TMEM61: variants seen among roughly 807,000 people sequenced by gnomAD.
TMEM61 encodes the protein transmembrane protein 61.
TMEM61 carries 13 observed loss-of-function variants against 12.0 expected under a neutral mutation model. The observed-to-expected ratio is 1.08, with a 90% CI of 0.70 to 1.72. The LOEUF is 1.72. TMEM61 is among the 40% of genes most tolerant of loss of function. TMEM61 has a pLI of 0.00. For missense variants in TMEM61, 249 were observed against 276.9 expected, an observed-to-expected ratio of 0.90 and a Z score of 0.71; for synonymous variants, 109 against 121.4, an observed-to-expected ratio of 0.90 and a Z score of 0.67.
chr1:54,986,172 G>A lies in TMEM61; in HGVS notation c.91G>A (p.Gly31Arg), dbSNP rs747602597. The change falls in exon 2 of 3, where the codon GGG becomes AGG. Residue 31 changes from glycine (G) to arginine (R), a missense_variant. Gly to Arg is a moderately radical substitution (Grantham distance 125). Coordinates refer to ENST00000371268, the MANE Select transcript of TMEM61 (RefSeq NM_182532.3). ...CAGCGGCACAGTGGTTCTGGTGGCCGGGACGCTCTGCTTCGCTTGGTGGAG... is the reference window on the plus strand; with the variant it reads ...CAGCGGCACAGTGGTTCTGGTGGCCAGGACGCTCTGCTTCGCTTGGTGGAG... ...TVSGTVVLVA[G>R]TLCFAWWSEG... is the part of the protein sequence containing the mutation. 8 of 1,613,148 alleles carry A rather than the reference G, an allele frequency of 5.0e-6. No individual in the cohort carries two copies. In the East Asian group the frequency reaches 6.7e-5, roughly 13 times the overall value.
chr1:54,982,206 G>T (rs1474481493), intron 1 of TMEM61, among the ~76,000 whole-genome samples: 1 of 152,168 alleles, frequency 6.6e-6, no homozygotes, highest in Non-Finnish European at 1.5e-5. Flanking sequence ...ATCAATGGAT[G>T]CATCTGATTC....
rs373453802 is a variant in TMEM61, at chr1:54,986,427, T to G, written c.346T>G (p.Ser116Ala). The change falls in exon 2 of 3, where the codon TCA (serine) becomes GCA (alanine). Residue 116 changes from serine (S) to alanine (A), a missense_variant. Coordinates refer to ENST00000371268, the MANE Select transcript of TMEM61 (RefSeq NM_182532.3). ...RDLYYLTVES[S>A]EKESCRTPKV... ...CCTGTACTACCTCACTGTGGAGTCC[T>G]CAGAGAAGGAGAGCTGCAGGTCAGC... The G allele has an allele frequency of 5.7e-6, 9 of 1,569,400 alleles. No individual in the cohort carries two copies. The African/African-American group carries it at 1.1e-4, about 19-fold the overall frequency.
rs1379046299 is a variant in TMEM61, at chr1:54,980,675, C to A, written c.-391C>A. The A allele has an allele frequency of 2.7e-5, 5 of 188,128 alleles. No individual in the cohort carries two copies. Among genetic ancestry groups the A allele is most frequent in the Non-Finnish European group, 4.4e-5 (4 of 91,554 alleles). 11.7% of individuals were successfully genotyped at this position (188,128 alleles called of 1,614,324 possible). A position where few individuals can be genotyped will look rare whatever the true frequency, so the allele number is the denominator to read the frequency against. On this transcript the variant is annotated 5_prime_UTR_variant, in exon 1 of 3. Coordinates refer to ENST00000371268, the MANE Select transcript of TMEM61 (RefSeq NM_182532.3). ...CCGAGGACGCGGAGGAGAGGTGGGGCGGGCGTCACCACCGGAGTGGAGGGC... is the reference window on the plus strand; with the variant it reads ...CCGAGGACGCGGAGGAGAGGTGGGGAGGGCGTCACCACCGGAGTGGAGGGC...
In TMEM61 at chr1:54,987,515, T is replaced by C. The variant is rs560417519; in HGVS notation, c.365+1069T>C. Among the ~76,000 whole-genome samples, 7 of 152,318 alleles carry C rather than the reference T, an allele frequency of 4.6e-5. No individual in the cohort carries two copies. In the South Asian group the frequency reaches 1.4e-3, roughly 32 times the overall value. On this transcript the variant is annotated intron_variant, in intron 2 of 2. Coordinates refer to ENST00000371268, the MANE Select transcript of TMEM61 (RefSeq NM_182532.3). ...ATGTTCTATATGTATATCTGTGCTT[T>C]ATACATAAAAAGAGTATTACCCTCC...
At chr1:54,983,131 T>TTTTTTTTTA (rs1644235283) in intron 1 of TMEM61, among the ~76,000 whole-genome samples, 2 of 146,904 alleles carry the variant, frequency 1.4e-5, no homozygotes, top group Non-Finnish European at 3.0e-5. Flanking sequence ...TGTTTTTTTT[T>TTTTTTTTTA]GAGAAAGAGT....
chr1:54,981,844 C>T lies in TMEM61; in HGVS notation c.15+764C>T, dbSNP rs559112353. Among the ~76,000 whole-genome samples, 33 of 152,224 alleles carry T rather than the reference C, an allele frequency of 2.2e-4. No individual in the cohort carries two copies. In the South Asian group the frequency reaches 5.2e-3, roughly 24 times the overall value. ...TCAGGCTGGCCCTGCCACCAGTGAGCAGATAGGGCAAGATGAAGGGCAGGG... is the reference window on the plus strand; with the variant it reads ...TCAGGCTGGCCCTGCCACCAGTGAGTAGATAGGGCAAGATGAAGGGCAGGG... On this transcript the variant is annotated intron_variant, in intron 1 of 2. Transcript: ENST00000371268.
chr1:54,990,449 C>T (rs1010656285), intron 2 of TMEM61, among the ~76,000 whole-genome samples: 1 of 152,084 alleles, frequency 6.6e-6, no homozygotes, highest in Non-Finnish European at 1.5e-5. Context: ...GGGTGCTGGG[C>T]GTTCACCTGA....
At position 54,981,094 on chromosome 1, in the gene TMEM61, G is replaced by A; in HGVS notation, c.15+14G>A. 4 of 1,587,036 alleles carry A rather than the reference G, an allele frequency of 2.5e-6. No individual in the cohort carries two copies. The highest frequency in any genetic ancestry group is 3.4e-6 in the Non-Finnish European group (4 of 1,165,984). On this transcript the variant is annotated intron_variant, in intron 1 of 2. Coordinates refer to ENST00000371268, the MANE Select transcript of TMEM61 (RefSeq NM_182532.3). ...GCCCTGCCCCAGGTGGGTGGAAACG[G>A]CCTTCTCCCTCCTTTACGGGCACTC... is the stretch of plus-strand genomic sequence containing the variant.
At chr1:54,990,540 CTGGCCTCTTGCCAT>C (rs139654460) in intron 2 of TMEM61, among the ~76,000 whole-genome samples, 3,822 of 152,280 alleles carry the variant, frequency 0.025, 152 homozygotes, top group African/African-American at 0.086. Flanking sequence ...GTTCCCCAGA[CTGGCCTCTTGCCAT>C]TGGCCCCTCC....
At chr1:54,985,217 G>GTA (rs1055647350) in intron 1 of TMEM61, among the ~76,000 whole-genome samples, 29 of 16,308 alleles carry the variant, frequency 1.8e-3, no homozygotes, top group Non-Finnish European at 5.1e-3. Flanking sequence ...GTGAACGTGT[G>GTA]TATGTGTGTG....
intron 1 of TMEM61, among the ~76,000 whole-genome samples, chr1:54,985,896 A>T (rs74072389): frequency 0.043 from 6,598 of 152,242 alleles, 453 homozygotes; most frequent in African/African-American, 0.15. Context: ...TGGTGCTGAT[A>T]CATGTTTACC....
At chr1:54,983,763 A>AT (rs1644239551) in intron 1 of TMEM61, among the ~76,000 whole-genome samples, 2 of 151,878 alleles carry the variant, frequency 1.3e-5, no homozygotes, top group African/African-American at 4.8e-5. Flanking sequence ...TTGTTTTTTG[A>AT]ATTTTTTTTC....
At chr1:54,983,954 T>G (rs1244341502) in intron 1 of TMEM61, among the ~76,000 whole-genome samples, 1 of 152,098 alleles carries the variant, frequency 6.6e-6, no homozygotes, top group Non-Finnish European at 1.5e-5. Flanking sequence ...CAAATGGAAT[T>G]TCTCTATATG....
At chr1:54,985,861 C>T (rs1644253897) in intron 1 of TMEM61, among the ~76,000 whole-genome samples, 1 of 152,184 alleles carries the variant, frequency 6.6e-6, no homozygotes, top group Non-Finnish European at 1.5e-5. Context: ...AGTGGTCATA[C>T]TTAGCTCCTG....
chr1:54,987,891 T>C (rs760219605), intron 2 of TMEM61, among the ~76,000 whole-genome samples: 7 of 152,210 alleles, frequency 4.6e-5, no homozygotes, highest in South Asian at 2.1e-4. Context: ...GGGAAAATGT[T>C]TTCCGAGTCG....
intron 2 of TMEM61, 150 bp from the exon 3 acceptor site, chr1:54,991,686 T>G: frequency 1.0e-6 from 1 of 975,910 alleles, no homozygotes. Context: ...TCATGCCAAG[T>G]TTCAACTGCG....
chr1:54,984,212 T>C (rs1644243338), intron 1 of TMEM61, among the ~76,000 whole-genome samples: 1 of 152,190 alleles, frequency 6.6e-6, no homozygotes, highest in African/African-American at 2.4e-5. Context: ...CATTTGGATA[T>C]ATTGTTGTTG....
rs925892727 is a variant in TMEM61, at chr1:54,986,538, T to G, written c.365+92T>G. 7.0e-6 allele frequency: 8 copies of G among 1,150,654 alleles called. No individual in the cohort carries two copies. In the Admixed American group the frequency reaches 1.8e-4, roughly 27 times the overall value. The allele number at this position is 1,150,654 out of a possible 1,614,324, so 71.3% of individuals were successfully genotyped here. On this transcript the variant is annotated intron_variant, in intron 2 of 2. Coordinates refer to ENST00000371268, the MANE Select transcript of TMEM61 (RefSeq NM_182532.3). The stretch of plus-strand genomic sequence containing the variant: ...AGCCAGCATTTGTAATTCCAGCAAA[T>G]TCTCATGGGGTTCCTCCTTTGGATC...
chr1:54,986,544 T>C (rs530836440), intron 2 of TMEM61, 98 bp downstream of exon 2: 2 of 1,100,538 alleles, frequency 1.8e-6, no homozygotes, highest in South Asian at 3.1e-5. Flanking sequence ...CAAATTCTCA[T>C]GGGGTTCCTC....
Sources: allele counts gnomAD v4.1 joint callset (sites outside exome capture counted in the v4.1 genomes callset), GRCh38; gene constraint gnomAD v4.1.1; transcripts MANE v1.5; gene names NCBI Gene and HGNC (gene_info 2026-07-23, HGNC 2026-07-21).